Variants in DTNA observed in about 807,000 individuals in gnomAD.
DTNA encodes dystrophin-related protein 3.
DTNA carries 43 observed loss-of-function variants against 100.7 expected under a neutral mutation model. The ratio of observed to expected loss-of-function variants is 0.43; its 90% CI spans 0.33 to 0.55. The LOEUF (loss-of-function observed/expected upper bound fraction) is 0.55, where lower values mean the gene tolerates loss of function less well. Among genes scored for constraint, DTNA ranks in the 20% least tolerant of loss-of-function variants. The probability of loss-of-function intolerance (pLI) is 0.04; values close to 1 mark genes in which losing one functional copy is unlikely to be tolerated. For missense variants in DTNA, 798 were observed against 953.9 expected, an observed-to-expected ratio of 0.84 and a Z score of 2.15; for synonymous variants, 349 against 347.9, an observed-to-expected ratio of 1.00 and a Z score of -0.04.
At chr18:34,536,593 T>A (rs1239471082) in intron 1 of DTNA, among the ~76,000 whole-genome samples, 1 of 151,934 alleles carries the variant, frequency 6.6e-6, no homozygotes, top group East Asian at 1.9e-4. Context: ...TTTCTGTCAG[T>A]TTGATATTAG....
At chr18:34,552,899 G>T (rs1239329128) in intron 1 of DTNA, among the ~76,000 whole-genome samples, 3 of 143,088 alleles carry the variant, frequency 2.1e-5, no homozygotes, top group African/African-American at 8.2e-5. Flanking sequence ...ACCCAGTAAT[G>T]GGATGGCTGG....
chr18:34,560,401 A>T (rs1316878935), intron 1 of DTNA, among the ~76,000 whole-genome samples: 1 of 152,226 alleles, frequency 6.6e-6, no homozygotes, highest in Non-Finnish European at 1.5e-5. Context: ...GAAAGTTACA[A>T]ATTCTAAGGT....
intron 17 of DTNA, chr18:34,868,154 CA>C (rs34776092): frequency 0.23 from 41,071 of 178,394 alleles, 595 homozygotes; most frequent in Middle Eastern, 0.25. Flanking sequence ...GGCAATGAAG[CA>C]AAAAAAAAAA....
At chr18:34,560,471 A>G (rs1598587833) in intron 1 of DTNA, among the ~76,000 whole-genome samples, 1 of 152,220 alleles carries the variant, frequency 6.6e-6, no homozygotes, top group East Asian at 1.9e-4. Context: ...TGTTATCATA[A>G]GTAATTGAAA....
At chr18:34,564,272 A>G (rs2146284169) in intron 1 of DTNA, among the ~76,000 whole-genome samples, 1 of 152,150 alleles carries the variant, frequency 6.6e-6, no homozygotes. Context: ...CCTCCCCAGT[A>G]GCTGGGATTA....
chr18:34,794,356 T>A, intron 4 of DTNA, 106 bp downstream of exon 4: 2 of 1,245,236 alleles, frequency 1.6e-6, no homozygotes, highest in Non-Finnish European at 2.3e-6. Flanking sequence ...TTTTTTTTTT[T>A]ACTCTCTTTT....
intron 3 of DTNA, among the ~76,000 whole-genome samples, chr18:34,768,414 A>T (rs896562314): frequency 4.9e-5 from 7 of 144,138 alleles, no homozygotes; most frequent in African/African-American, 2.1e-4. Flanking sequence ...ACTGCACTCA[A>T]CATTAAGGTG....
chr18:34,606,268 C>A (rs1296964537), intron 1 of DTNA, among the ~76,000 whole-genome samples: 1 of 152,064 alleles, frequency 6.6e-6, no homozygotes, highest in African/African-American at 2.4e-5. Flanking sequence ...AAATTTATAT[C>A]TTGCCATTAT....
At chr18:34,522,160 C>A (rs1309308481) in intron 1 of DTNA, among the ~76,000 whole-genome samples, 1 of 152,124 alleles carries the variant, frequency 6.6e-6, no homozygotes, top group East Asian at 1.9e-4. Context: ...CCTTTTGTAA[C>A]TGCACTTTAA....
chr18:34,875,000 C>T (rs909926347), intron 17 of DTNA, among the ~76,000 whole-genome samples: 10 of 152,178 alleles, frequency 6.6e-5, no homozygotes, highest in African/African-American at 2.4e-4. Flanking sequence ...TACTGTAGAG[C>T]AATGCTGTAC....
At chr18:34,585,932 A>G (rs994989440) in intron 1 of DTNA, among the ~76,000 whole-genome samples, 1 of 152,188 alleles carries the variant, frequency 6.6e-6, no homozygotes, top group Admixed American at 6.5e-5. Context: ...AAGAACATGA[A>G]TGCCATGAAT....
At chr18:34,691,536 C>T (rs1383750843) in intron 1 of DTNA, among the ~76,000 whole-genome samples, 1 of 152,204 alleles carries the variant, frequency 6.6e-6, no homozygotes, top group Admixed American at 6.5e-5. Context: ...CAAGTACTCT[C>T]ATCCACTTTG....
intron 1 of DTNA, among the ~76,000 whole-genome samples, chr18:34,518,740 TGTG>T (rs2041899517): frequency 6.8e-6 from 1 of 146,092 alleles, no homozygotes; most frequent in Non-Finnish European, 1.5e-5. Context: ...TGTGTGTGTG[TGTG>T]TGAAGCTACT....
intron 1 of DTNA, among the ~76,000 whole-genome samples, chr18:34,666,867 C>T (rs2076008321): frequency 6.6e-6 from 1 of 152,124 alleles, no homozygotes; most frequent in Non-Finnish European, 1.5e-5. Context: ...ATGCCTCCAG[C>T]TTTGTTCTTT....
At chr18:34,714,768 T>G (rs2083635307) in intron 1 of DTNA, among the ~76,000 whole-genome samples, 1 of 152,174 alleles carries the variant, frequency 6.6e-6, no homozygotes, top group Non-Finnish European at 1.5e-5. Flanking sequence ...GTATGTTTAT[T>G]GTGGCATTAT....
chr18:34,554,528 T>C (rs1456213183), intron 1 of DTNA, among the ~76,000 whole-genome samples: 2 of 151,506 alleles, frequency 1.3e-5, no homozygotes, highest in Non-Finnish European at 1.5e-5. Flanking sequence ...AGATAGCTCT[T>C]ATTATTTTGA....
At chr18:34,753,593 G>A (rs1369059978) in intron 1 of DTNA, among the ~76,000 whole-genome samples, 1 of 141,398 alleles carries the variant, frequency 7.1e-6, no homozygotes, top group African/African-American at 3.1e-5. Context: ...CGTTTTAGCT[G>A]GGATGGTCTC....
chr18:34,651,468 A>G (rs1421520073), intron 1 of DTNA, among the ~76,000 whole-genome samples: 1 of 152,162 alleles, frequency 6.6e-6, no homozygotes, highest in Admixed American at 6.5e-5. Flanking sequence ...GGCTTTCCTC[A>G]TTCAATAATA....
chr18:34,667,825 C>A (rs1340559698), intron 1 of DTNA, among the ~76,000 whole-genome samples: 1 of 152,124 alleles, frequency 6.6e-6, no homozygotes, highest in Non-Finnish European at 1.5e-5. Flanking sequence ...ATTTGGTTTG[C>A]CAGTATTTTA....
Sources: gnomAD v4.1 joint callset for allele counts (sites outside exome capture counted in the v4.1 genomes callset) on GRCh38, gnomAD v4.1.1 for gene constraint, MANE v1.5 for transcripts, NCBI Gene and HGNC (gene_info 2026-07-23, HGNC 2026-07-21) for gene names.